MTCL1: variants seen among roughly 807,000 people sequenced by gnomAD.
MTCL1 encodes microtubule cross-linking factor 1.
In MTCL1, 79 loss-of-function variants were observed where a neutral mutation model predicts 141.4. The observed-to-expected ratio is 0.56, with a 90% CI of 0.47 to 0.67. The LOEUF is 0.67. Ranked by LOEUF, MTCL1 falls within the 30% of genes least tolerant of loss-of-function variation. MTCL1 has a pLI of 0.00. For missense variants in MTCL1, 2,177 were observed against 2,113.9 expected (o/e 1.03, Z -0.59); for synonymous variants, 914 against 875.8 (o/e 1.04, Z -0.77).
At chr18:8,824,770 G>A in exon 15 of MTCL1, 3 of 1,614,122 alleles carry the variant, frequency 1.9e-6, no homozygotes, top group South Asian at 1.1e-5. Flanking sequence ...CCTGAGAAGG[G>A]CCTGCCGTCC....
chr18:8,736,804 A>AT (rs1389240596), intron 4 of MTCL1, among the ~76,000 whole-genome samples: 2 of 151,600 alleles, frequency 1.3e-5, no homozygotes, highest in African/African-American at 2.4e-5. Flanking sequence ...TGCCCGGCTA[A>AT]TTTTTTTGTA....
chr18:8,830,490 GAC>G lies in MTCL1; in HGVS notation c.*19-1114_*19-1113del, dbSNP rs903100830. 6 of 985,766 alleles carry G rather than the reference GAC, an allele frequency of 6.1e-6. No individual in the cohort carries two copies. In the African/African-American group the frequency reaches 1.0e-4, roughly 17 times the overall value. 61.1% of individuals were successfully genotyped at this position (985,766 alleles called of 1,614,324 possible). ...TGCCGTGTTCCATCTTCTCCCGAGT[GAC>G]ACTGCCCATTCCGTGCAGCCGTCTG... On this transcript the variant is annotated intron_variant, in intron 16 of 16. Coordinates refer to ENST00000359865, the Ensembl canonical transcript of MTCL1. This position sits in a 1 kb window ranked among gnomAD's most constrained non-coding sequence, Gnocchi z 6.4.
At chr18:8,725,508 A>C (rs1212839113) in intron 4 of MTCL1, among the ~76,000 whole-genome samples, 1 of 152,226 alleles carries the variant, frequency 6.6e-6, no homozygotes, top group East Asian at 1.9e-4. Context: ...AAATACACAA[A>C]GGTTTAACAA....
chr18:8,791,737 A>C (rs2075733639), intron 7 of MTCL1, among the ~76,000 whole-genome samples: 1 of 152,156 alleles, frequency 6.6e-6, no homozygotes, highest in Non-Finnish European at 1.5e-5. Flanking sequence ...TTTTCAGAGA[A>C]CCCCAAACAA....
intron 4 of MTCL1, among the ~76,000 whole-genome samples, chr18:8,760,406 A>G (rs1038092350): frequency 6.6e-5 from 10 of 152,224 alleles, no homozygotes; most frequent in African/African-American, 2.4e-4. Flanking sequence ...TAAACTTGTT[A>G]GACGCAGATG....
chr18:8,735,151 G>A (rs906140888), intron 4 of MTCL1, among the ~76,000 whole-genome samples: 3 of 152,210 alleles, frequency 2.0e-5, no homozygotes, highest in Non-Finnish European at 4.4e-5. Context: ...TACAGAAGTT[G>A]TAAAGGACAA....
intron 1 of MTCL1, among the ~76,000 whole-genome samples, chr18:8,711,662 G>A (rs1312466296): frequency 6.6e-6 from 1 of 151,608 alleles, no homozygotes; most frequent in Non-Finnish European, 1.5e-5. Context: ...ATTTTTTCAT[G>A]TGTTTTTTGG....
At chr18:8,754,970 G>A (rs368400182) in intron 4 of MTCL1, among the ~76,000 whole-genome samples, 1 of 152,134 alleles carries the variant, frequency 6.6e-6, no homozygotes, top group East Asian at 1.9e-4. Context: ...GAGCAGCCTG[G>A]TGCGTTTGGT....
At chr18:8,706,409 C>A (rs1185114775) in exon 1 of MTCL1, 6 of 1,228,036 alleles carry the variant, frequency 4.9e-6, no homozygotes, top group Non-Finnish European at 5.1e-6. Flanking sequence ...CGAGGAGCGC[C>A]GACGCCGAGC....
chr18:8,738,329 T>A (rs1488320089), intron 4 of MTCL1, among the ~76,000 whole-genome samples: 1 of 152,260 alleles, frequency 6.6e-6, no homozygotes, highest in South Asian at 2.1e-4. Flanking sequence ...TGTTTACATA[T>A]AGTAATTCCC....
chr18:8,805,386 G>A (rs1008051295), intron 10 of MTCL1, among the ~76,000 whole-genome samples: 4 of 152,182 alleles, frequency 2.6e-5, no homozygotes, highest in African/African-American at 7.2e-5. Flanking sequence ...GCATTAACTT[G>A]CTTAGGATAA....
upstream of MTCL1, chr18:8,705,559 G>C (rs1385404207): frequency 8.8e-7 from 1 of 1,131,938 alleles, no homozygotes; most frequent in Non-Finnish European, 1.1e-6. The surrounding 1 kb of genome is among the most constrained non-coding windows in gnomAD (Gnocchi z 5.2). Context: ...CTGGGACAGT[G>C]ATGAGAGAGC....
chr18:8,760,428 TTTGCTAACGCCCCTGACATTCTC>T (rs1246477193), intron 4 of MTCL1, among the ~76,000 whole-genome samples: 1 of 152,236 alleles, frequency 6.6e-6, no homozygotes, highest in Non-Finnish European at 1.5e-5. Flanking sequence ...AAGTGCCATG[TTTGCTAACGCCCCTGACATTCTC>T]TAGGGCAGTG....
intron 4 of MTCL1, among the ~76,000 whole-genome samples, chr18:8,758,319 G>A (rs1170668747): frequency 6.6e-6 from 1 of 152,070 alleles, no homozygotes; most frequent in Non-Finnish European, 1.5e-5. Flanking sequence ...CACCACGCCT[G>A]GCCACACCCA....
At chr18:8,726,497 GCGCGCGCGCGCA>G (rs746134332) in intron 4 of MTCL1, among the ~76,000 whole-genome samples, 3,738 of 96,092 alleles carry the variant, frequency 0.039, 125 homozygotes, top group Admixed American at 0.09. Flanking sequence ...GAGAGAGAGC[GCGCGCGCGCGCA>G]AGAGCGAGCG....
chr18:8,832,021 T>C, exon 17 of MTCL1: 1 of 607,488 alleles, frequency 1.6e-6, no homozygotes, highest in Non-Finnish European at 2.8e-6. Context: ...TTTTCATAGC[T>C]CAGAAAACTA....
At chr18:8,793,658 C>G (rs997109010) in intron 8 of MTCL1, among the ~76,000 whole-genome samples, 1 of 152,204 alleles carries the variant, frequency 6.6e-6, no homozygotes, top group Non-Finnish European at 1.5e-5. Flanking sequence ...GGGCACTCGT[C>G]GCCCTGGACA....
At chr18:8,806,351 C>T (rs1217553340) in intron 10 of MTCL1, among the ~76,000 whole-genome samples, 3 of 152,180 alleles carry the variant, frequency 2.0e-5, no homozygotes, top group African/African-American at 7.2e-5. Flanking sequence ...TAGGAGTCCT[C>T]GGTCTTTATT....
At chr18:8,794,277 T>C (rs2075836670) in intron 8 of MTCL1, among the ~76,000 whole-genome samples, 1 of 152,218 alleles carries the variant, frequency 6.6e-6, no homozygotes. Flanking sequence ...TGTGGGTTAA[T>C]GATGAAGGAG....
Sources: allele counts gnomAD v4.1 joint callset (sites outside exome capture counted in the v4.1 genomes callset), GRCh38; gene constraint gnomAD v4.1.1; non-coding constraint Gnocchi (gnomAD v3.1); transcripts MANE v1.5; gene names NCBI Gene and HGNC (gene_info 2026-07-23, HGNC 2026-07-21).